Variants in ADTRP observed in about 807,000 individuals in gnomAD.
The protein encoded by ADTRP is androgen dependent TFPI regulating protein.
ADTRP carries 20 observed loss-of-function variants against 27.0 expected under a neutral mutation model. The observed-to-expected ratio is 0.74, with a 90% confidence interval of 0.52 to 1.08. The LOEUF is 1.08. Ranked by LOEUF, ADTRP falls within the 50% of genes least tolerant of loss-of-function variation. The pLI, the probability that ADTRP is intolerant of heterozygous loss-of-function variation, is 0.00. For missense variants in ADTRP, 251 were observed against 275.0 expected (o/e 0.91, Z 0.62); for synonymous variants, 101 against 105.2 (o/e 0.96, Z 0.25).
chr6:11,740,881 C>T (rs12529085), intron 3 of ADTRP, among the ~76,000 whole-genome samples: 20,331 of 152,112 alleles, frequency 0.13, 1,762 homozygotes, highest in East Asian at 0.47. Context: ...GAAATGTGCA[C>T]GTAGGCTATA....
At position 11,714,345 on chromosome 6, in the gene ADTRP, TTTAAGTATCACTC is replaced by T; in HGVS notation, c.*120_*132del. 8.7e-6 allele frequency: 9 copies of T among 1,034,548 alleles called. No individual in the cohort carries two copies. Among genetic ancestry groups the T allele is most frequent in the Non-Finnish European group, 1.3e-5 (9 of 711,900 alleles). The allele number at this position is 1,034,548 out of a possible 1,614,324, so 64.1% of individuals were successfully genotyped here. Reference sequence around the variant, plus strand: ...CTACCTTCACGAACCTCTTATTAAATTTAAGTATCACTCTCTGTCCCTCCTACTTTGCTATGTT... The same window carrying T: ...CTACCTTCACGAACCTCTTATTAAATTCTGTCCCTCCTACTTTGCTATGTT... On this transcript the variant is annotated 3_prime_UTR_variant, in exon 6 of 6. Transcript: ENST00000414691.
In ADTRP at chr6:11,723,516, AGTC is replaced by A. The variant is rs1340950979; in HGVS notation, c.507-19_507-17del. The A allele has an allele frequency of 6.2e-7, 1 of 1,613,164 alleles. No homozygotes were observed. Among genetic ancestry groups the A allele is most frequent in the Non-Finnish European group, 8.5e-7 (1 of 1,179,762 alleles). On this transcript the variant is annotated splice_polypyrimidine_tract_variant and intron_variant, in intron 4 of 5. Transcript: ENST00000414691. ...CCATAGGATGCTGCAGGAAATAAGA[AGTC>A]GTGGTGGTTATAGCAGGAGGAGAAA... is the stretch of plus-strand genomic sequence containing the variant.
At chr6:11,769,889 C>A in intron 1 of ADTRP, 1 of 865,242 alleles carries the variant, frequency 1.2e-6, no homozygotes, top group Non-Finnish European at 1.8e-6. Flanking sequence ...TCTTACTACT[C>A]AAAGCTATAA....
At chr6:11,720,904 T>C (rs1762004732) in intron 5 of ADTRP, among the ~76,000 whole-genome samples, 1 of 152,170 alleles carries the variant, frequency 6.6e-6, no homozygotes, top group African/African-American at 2.4e-5. Flanking sequence ...AGTTGTACTT[T>C]ACACCTAGGA....
At chr6:11,725,879 G>A (rs979701111) in intron 4 of ADTRP, among the ~76,000 whole-genome samples, 4 of 125,906 alleles carry the variant, frequency 3.2e-5, no homozygotes, top group African/African-American at 8.8e-5. Flanking sequence ...CAGCCTGGGC[G>A]AGAGAATGAG....
At chr6:11,728,709 A>C (rs1037030415) in intron 4 of ADTRP, among the ~76,000 whole-genome samples, 16 of 152,160 alleles carry the variant, frequency 1.1e-4, no homozygotes, top group Admixed American at 8.5e-4. Flanking sequence ...TGTCTCTGTC[A>C]GGCACATTTA....
At chr6:11,746,918 C>T (rs187092448) in intron 3 of ADTRP, among the ~76,000 whole-genome samples, 7 of 152,300 alleles carry the variant, frequency 4.6e-5, no homozygotes, top group African/African-American at 1.7e-4. Flanking sequence ...GGAGCCTGAA[C>T]ACTGAGGGAA....
At chr6:11,717,887 G>A (rs1196623500) in intron 5 of ADTRP, among the ~76,000 whole-genome samples, 2 of 152,252 alleles carry the variant, frequency 1.3e-5, no homozygotes, top group Non-Finnish European at 2.9e-5. Context: ...ACTAAATGCT[G>A]CCCCAGTGGG....
intron 1 of ADTRP, among the ~76,000 whole-genome samples, chr6:11,771,811 C>T (rs1763789095): frequency 6.6e-6 from 1 of 152,094 alleles, no homozygotes; most frequent in South Asian, 2.1e-4. Context: ...GAGATGAGGA[C>T]TACAGACACA....
At chr6:11,722,474 T>C (rs1762049509) in intron 5 of ADTRP, among the ~76,000 whole-genome samples, 2 of 152,130 alleles carry the variant, frequency 1.3e-5, no homozygotes, top group South Asian at 4.1e-4. Flanking sequence ...CAGAATGGCA[T>C]GTGGGCGAGT....
chr6:11,763,992 G>A (rs1049003953), intron 3 of ADTRP, among the ~76,000 whole-genome samples: 2 of 152,164 alleles, frequency 1.3e-5, no homozygotes, highest in East Asian at 3.9e-4. Context: ...ATCTGTATAT[G>A]ACCTGGGGTA....
chr6:11,728,818 G>A (rs1226953085), intron 4 of ADTRP, among the ~76,000 whole-genome samples: 1 of 152,114 alleles, frequency 6.6e-6, no homozygotes, highest in Non-Finnish European at 1.5e-5. Context: ...GCTCTCAGTC[G>A]CCTGACTCAC....
chr6:11,734,357 A>G (rs529330737), intron 4 of ADTRP, among the ~76,000 whole-genome samples: 5 of 152,370 alleles, frequency 3.3e-5, no homozygotes, highest in African/African-American at 1.2e-4. Flanking sequence ...CCTTTTCAAC[A>G]GAGTGCTCCA....
intron 1 of ADTRP, chr6:11,769,941 A>C: frequency 7.2e-7 from 1 of 1,386,512 alleles, no homozygotes; most frequent in East Asian, 2.5e-5. Flanking sequence ...CAGGCACTGA[A>C]CTGTGTTTCA....
chr6:11,758,570 T>C (rs1374028982), intron 3 of ADTRP, among the ~76,000 whole-genome samples: 1 of 4,920 alleles, frequency 2.0e-4, no homozygotes, highest in African/African-American at 7.6e-4. Flanking sequence ...GGGACTGTTG[T>C]GGGGTGGGGG....
chr6:11,775,910 T>C (rs1561779566), intron 1 of ADTRP, among the ~76,000 whole-genome samples: 1 of 152,202 alleles, frequency 6.6e-6, no homozygotes, highest in Non-Finnish European at 1.5e-5. Flanking sequence ...GGATACTAAC[T>C]TCCCCAAGGT....
chr6:11,759,559 G>A (rs980179720), intron 3 of ADTRP, among the ~76,000 whole-genome samples: 9 of 152,008 alleles, frequency 5.9e-5, no homozygotes, highest in Admixed American at 2.6e-4. Flanking sequence ...TTTGCTATAT[G>A]TAGTGTAAGA....
At chr6:11,735,246 A>T (rs150039133) in intron 4 of ADTRP, among the ~76,000 whole-genome samples, 3 of 152,252 alleles carry the variant, frequency 2.0e-5, no homozygotes, top group Non-Finnish European at 4.4e-5. Flanking sequence ...AAGCATGTTC[A>T]TTGAAGATAG....
intron 5 of ADTRP, among the ~76,000 whole-genome samples, chr6:11,719,892 C>T (rs920181349): frequency 6.7e-5 from 5 of 74,778 alleles, no homozygotes; most frequent in Non-Finnish European, 1.5e-4. Context: ...GCAGCAGTGA[C>T]TAACTGTATG....
Sources: gnomAD v4.1 joint callset for allele counts (sites outside exome capture counted in the v4.1 genomes callset) on GRCh38, gnomAD v4.1.1 for gene constraint, MANE v1.5 for transcripts, NCBI Gene and HGNC (gene_info 2026-07-23, HGNC 2026-07-21) for gene names.